PSPH: variants seen among roughly 807,000 people sequenced by gnomAD.
PSPH encodes the protein L-3-phosphoserine phosphatase.
A neutral mutation model predicts 23.4 loss-of-function variants in PSPH; 16 were observed. That is an observed-to-expected ratio of 0.68 (90% CI 0.46 to 1.04). The LOEUF is 1.04. Ranked by LOEUF, PSPH falls within the 50% of genes least tolerant of loss-of-function variation. The pLI is 0.00. For missense variants in PSPH, 223 were observed against 273.7 expected, an observed-to-expected ratio of 0.81 and a Z score of 1.31; for synonymous variants, 68 against 99.7, an observed-to-expected ratio of 0.68 and a Z score of 1.89.
intron 5 of PSPH, among the ~76,000 whole-genome samples, chr7:56,017,913 G>T (rs1788799556): frequency 6.6e-6 from 1 of 151,852 alleles, no homozygotes; most frequent in African/African-American, 2.4e-5. Flanking sequence ...AGTAGACATG[G>T]GGTTTCACCA....
intron 7 of PSPH, among the ~76,000 whole-genome samples, chr7:56,012,500 A>C (rs1035895442): frequency 6.6e-6 from 1 of 151,594 alleles, no homozygotes; most frequent in African/African-American, 2.4e-5. Context: ...ATTTCTTGAA[A>C]ATGAGATTGG....
chr7:56,016,403 C>CA (rs1187610566), intron 6 of PSPH, among the ~76,000 whole-genome samples: 13,326 of 85,340 alleles, frequency 0.16, 1,295 homozygotes, highest in South Asian at 0.21. Context: ...GACCCTGTCT[C>CA]AAAAAAAAAA....
At chr7:56,023,264 ATT>A (rs57649480) in intron 3 of PSPH, among the ~76,000 whole-genome samples, 12 of 145,430 alleles carry the variant, frequency 8.3e-5, no homozygotes, top group African/African-American at 3.0e-4. Context: ...GTCAAAACAA[ATT>A]TTTTTTTTTT....
chr7:56,017,480 T>A, intron 5 of PSPH, 101 bp from the exon 6 acceptor site: 1 of 1,537,214 alleles, frequency 6.5e-7, no homozygotes, highest in African/African-American at 1.4e-5. Context: ...TTTCTTCTCC[T>A]GAATGCATTT....
intron 2 of PSPH, among the ~76,000 whole-genome samples, chr7:56,032,717 G>A (rs1194478060): frequency 6.6e-6 from 1 of 151,886 alleles, no homozygotes; most frequent in Non-Finnish European, 1.5e-5. Flanking sequence ...TCGGGAGGCC[G>A]AGGAGGGAGG....
chr7:56,026,945 C>T (rs1369761137), intron 3 of PSPH, among the ~76,000 whole-genome samples: 2 of 152,026 alleles, frequency 1.3e-5, no homozygotes, highest in Non-Finnish European at 2.9e-5. Flanking sequence ...GTGGCTCATG[C>T]CTGTAATCCC....
intron 3 of PSPH, among the ~76,000 whole-genome samples, chr7:56,027,635 C>T (rs1420359239): frequency 6.8e-6 from 1 of 147,982 alleles, no homozygotes; most frequent in Non-Finnish European, 1.5e-5. Context: ...TGCAGTGAGC[C>T]GAGATCCCAC....
chr7:56,049,752 TA>T (rs201696838), intron 1 of PSPH, among the ~76,000 whole-genome samples: 1 of 150,542 alleles, frequency 6.6e-6, no homozygotes, highest in African/African-American at 2.5e-5. Context: ...TTATTATTAT[TA>T]TTTTTTTTGA....
chr7:56,043,815 A>G (rs1792878910), intron 1 of PSPH, among the ~76,000 whole-genome samples: 1 of 152,182 alleles, frequency 6.6e-6, no homozygotes, highest in Non-Finnish European at 1.5e-5. Context: ...GCAACAGAGC[A>G]AGACCCTGTC....
chr7:56,034,950 T>G (rs1208144305), intron 1 of PSPH, among the ~76,000 whole-genome samples: 5 of 152,054 alleles, frequency 3.3e-5, no homozygotes, highest in Middle Eastern at 3.2e-3. Context: ...TTTCCCAGGC[T>G]GGGCTCAAAC....
intron 3 of PSPH, among the ~76,000 whole-genome samples, chr7:56,024,698 T>C (rs7776550): frequency 0.71 from 107,191 of 151,830 alleles, 38,244 homozygotes; most frequent in Non-Finnish European, 0.76. Context: ...CAGTGAGCTA[T>C]GACCATGACA....
chr7:56,038,914 C>T (rs1298277659), intron 1 of PSPH, among the ~76,000 whole-genome samples: 16 of 152,018 alleles, frequency 1.1e-4, no homozygotes, highest in East Asian at 5.8e-4. Flanking sequence ...GAGGCTGAGG[C>T]GGGCAGATCA....
At chr7:56,038,040 A>G (rs1442469608) in intron 1 of PSPH, among the ~76,000 whole-genome samples, 1 of 151,832 alleles carries the variant, frequency 6.6e-6, no homozygotes, top group Non-Finnish European at 1.5e-5. Flanking sequence ...TAATTATATT[A>G]GAATCATGTA....
In PSPH at chr7:56,021,209, C is replaced by G. The variant is rs77329757; in HGVS notation, c.4G>C (p.Val2Leu). Reference sequence around the variant, plus strand: ...AGCTTCCTCAGCTCTGAGTGGGAGACCATCGCTGGAAGAATTTTCCTCCTA... The same window carrying G: ...AGCTTCCTCAGCTCTGAGTGGGAGAGCATCGCTGGAAGAATTTTCCTCCTA... MVSHSELRKLFY... is the reference protein window; with the variant it reads MLSHSELRKLFY... The change falls in exon 4 of 8, where the codon GTC becomes CTC. Residue 2 changes from valine to leucine, a missense_variant. Transcript: ENST00000275605. 1 of 1,519,410 alleles carries G rather than the reference C, an allele frequency of 6.6e-7. No individual in the cohort carries two copies. The highest frequency in any genetic ancestry group is 8.9e-7 in the Non-Finnish European group (1 of 1,121,270). The allele number at this position is 1,519,410 out of a possible 1,614,324, so 94.1% of individuals were successfully genotyped here. A position where few individuals can be genotyped will look rare whatever the true frequency, so the allele number is the denominator to read the frequency against.
intron 1 of PSPH, among the ~76,000 whole-genome samples, chr7:56,042,855 T>C (rs1356895041): frequency 2.0e-5 from 3 of 151,896 alleles, no homozygotes; most frequent in African/African-American, 7.3e-5. Context: ...GAAGTGAATA[T>C]GAAGCTAAAA....
At chr7:56,022,967 G>A (rs1025145501) in intron 3 of PSPH, among the ~76,000 whole-genome samples, 1 of 152,156 alleles carries the variant, frequency 6.6e-6, no homozygotes, top group Non-Finnish European at 1.5e-5. Context: ...GCTGAGGCAG[G>A]AGACTCTCTT....
chr7:56,016,632 G>T (rs1310637065), intron 6 of PSPH, among the ~76,000 whole-genome samples: 1 of 151,834 alleles, frequency 6.6e-6, no homozygotes, highest in South Asian at 2.1e-4. Flanking sequence ...GTGCAGTGGC[G>T]AGATCTCAGC....
At chr7:56,027,425 T>C (rs556705229) in intron 3 of PSPH, among the ~76,000 whole-genome samples, 2 of 152,052 alleles carry the variant, frequency 1.3e-5, no homozygotes, top group South Asian at 2.1e-4. Flanking sequence ...CTGGCCATGT[T>C]TGAAAAACCA....
At chr7:56,043,637 G>A (rs1010810122) in intron 1 of PSPH, among the ~76,000 whole-genome samples, 1 of 151,284 alleles carries the variant, frequency 6.6e-6, no homozygotes, top group African/African-American at 2.4e-5. Context: ...GGCAACATGA[G>A]ACCACCCCTC....
Sources: gnomAD v4.1 joint callset for allele counts (sites outside exome capture counted in the v4.1 genomes callset) on GRCh38, gnomAD v4.1.1 for gene constraint, MANE v1.5 for transcripts, NCBI Gene and HGNC (gene_info 2026-07-23, HGNC 2026-07-21) for gene names.